The following PPARGC1A variants were observed in gnomAD, a reference collection of about 807,000 sequenced individuals.
PPARGC1A encodes PPARG coactivator 1 alpha.
In PPARGC1A, 25 loss-of-function variants were observed where a neutral mutation model predicts 88.7. The ratio of observed to expected loss-of-function variants is 0.28; its 90% confidence interval spans 0.21 to 0.39. The LOEUF (loss-of-function observed/expected upper bound fraction) is 0.39, where lower values mean the gene tolerates loss of function less well. Among genes scored for constraint, PPARGC1A ranks in the 10% least tolerant of loss-of-function variants. The pLI is 1.00. For synonymous variants in PPARGC1A, 363 were observed against 355.6 expected, an observed-to-expected ratio of 1.02 and a Z score of -0.24; for missense variants, 880 against 968.7, an observed-to-expected ratio of 0.91 and a Z score of 1.22.
chr4:24,383,235 G>A, the PPARGC1A span, among the ~76,000 whole-genome samples: 11 of 152,080 alleles, frequency 7.2e-5, no homozygotes, highest in Non-Finnish European at 1.0e-4. Flanking sequence ...CAATATCAAA[G>A]ACCAAAGGTA....
At chr4:24,154,471 G>C in the PPARGC1A span, among the ~76,000 whole-genome samples, 1 of 152,276 alleles carries the variant, frequency 6.6e-6, no homozygotes, top group Admixed American at 6.5e-5. Flanking sequence ...AGAAAACATA[G>C]GAAAAAATGC....
At chr4:23,897,744 T>G (rs1222507450) in intron 1 of PPARGC1A, among the ~76,000 whole-genome samples, 2 of 152,222 alleles carry the variant, frequency 1.3e-5, no homozygotes, top group Non-Finnish European at 2.9e-5. Flanking sequence ...AGAGAACTTG[T>G]GAAATATAAT....
chr4:23,911,600 C>T, the PPARGC1A span, among the ~76,000 whole-genome samples: 1 of 152,134 alleles, frequency 6.6e-6, no homozygotes, highest in Non-Finnish European at 1.5e-5. Flanking sequence ...AACAAGCATA[C>T]ATTTATCCAG....
chr4:23,985,788 T>A, the PPARGC1A span, among the ~76,000 whole-genome samples: 1 of 152,088 alleles, frequency 6.6e-6, no homozygotes, highest in Non-Finnish European at 1.5e-5. Flanking sequence ...TGGTTCTAAT[T>A]GGGGCTATTT....
At chr4:24,413,653 A>G in the PPARGC1A span, among the ~76,000 whole-genome samples, 117,890 of 152,182 alleles carry the variant, frequency 0.77, 45,789 homozygotes, top group East Asian at 0.8. Context: ...ATGGGAAACA[A>G]GAAGACCGTT....
chr4:24,427,935 A>T, the PPARGC1A span, among the ~76,000 whole-genome samples: 1 of 151,528 alleles, frequency 6.6e-6, no homozygotes, highest in Admixed American at 6.6e-5. Context: ...ACATAGCAAG[A>T]CCTCTTTTCT....
chr4:24,146,436 C>T, the PPARGC1A span, among the ~76,000 whole-genome samples: 4 of 152,336 alleles, frequency 2.6e-5, no homozygotes, highest in South Asian at 2.1e-4. Context: ...AACCTCAAAA[C>T]TCTGGATGAG....
At chr4:23,971,972 CA>C in the PPARGC1A span, among the ~76,000 whole-genome samples, 1 of 151,860 alleles carries the variant, frequency 6.6e-6, no homozygotes, top group Non-Finnish European at 1.5e-5. Flanking sequence ...CATTTTTAAT[CA>C]AATACATAAT....
the PPARGC1A span, among the ~76,000 whole-genome samples, chr4:24,213,715 G>A: frequency 5.9e-5 from 9 of 152,330 alleles, no homozygotes; most frequent in African/African-American, 2.2e-4. Flanking sequence ...GCATGTGTGT[G>A]TGCATGTGTT....
chr4:23,835,628 G>A (rs992118050), intron 2 of PPARGC1A, among the ~76,000 whole-genome samples: 12 of 151,966 alleles, frequency 7.9e-5, no homozygotes, highest in African/African-American at 2.9e-4. Context: ...CTCTGTATGT[G>A]GGTGACTCAC....
chr4:24,395,228 T>C, the PPARGC1A span, among the ~76,000 whole-genome samples: 1 of 152,220 alleles, frequency 6.6e-6, no homozygotes, highest in Non-Finnish European at 1.5e-5. Context: ...TTTCCCCGCC[T>C]AGATTAATCC....
chr4:24,253,452 G>C, the PPARGC1A span, among the ~76,000 whole-genome samples: 1 of 152,232 alleles, frequency 6.6e-6, no homozygotes, highest in Non-Finnish European at 1.5e-5. Context: ...ATGTGGCAAA[G>C]TATTAGCTAT....
At chr4:23,918,088 C>T in the PPARGC1A span, among the ~76,000 whole-genome samples, 1 of 152,278 alleles carries the variant, frequency 6.6e-6, no homozygotes, top group South Asian at 2.1e-4. Context: ...TTCACCTGTT[C>T]AAGGCTACAA....
chr4:24,291,672 C>T, the PPARGC1A span, among the ~76,000 whole-genome samples: 1 of 152,188 alleles, frequency 6.6e-6, no homozygotes, highest in African/African-American at 2.4e-5. Flanking sequence ...GATCCCGAAG[C>T]CCGTGCTCTT....
chr4:23,900,275 G>C (rs1719175245), upstream of PPARGC1A, among the ~76,000 whole-genome samples: 1 of 152,082 alleles, frequency 6.6e-6, no homozygotes, highest in South Asian at 2.1e-4. Flanking sequence ...TTTCTTCTTG[G>C]TTCAAAACTC....
At chr4:24,139,628 C>T in the PPARGC1A span, among the ~76,000 whole-genome samples, 34 of 152,264 alleles carry the variant, frequency 2.2e-4, no homozygotes, top group Admixed American at 3.3e-4. Context: ...TCATTATCCC[C>T]GGACTTATTT....
At chr4:23,942,542 T>C in the PPARGC1A span, among the ~76,000 whole-genome samples, 2 of 152,190 alleles carry the variant, frequency 1.3e-5, no homozygotes, top group Non-Finnish European at 2.9e-5. Flanking sequence ...TACTGTTATT[T>C]ACTTAAAATT....
chr4:23,799,785 C>A (rs1305499388), intron 12 of PPARGC1A, among the ~76,000 whole-genome samples: 1 of 152,082 alleles, frequency 6.6e-6, no homozygotes, highest in African/African-American at 2.4e-5. Context: ...TCCCTCTCTA[C>A]CAGTGATGAA....
At chr4:24,407,739 C>T in the PPARGC1A span, among the ~76,000 whole-genome samples, 2 of 152,278 alleles carry the variant, frequency 1.3e-5, no homozygotes, top group African/African-American at 4.8e-5. Flanking sequence ...CAGTCTCTTC[C>T]TCTATAAAAT....
Sources: allele counts gnomAD v4.1 joint callset (sites outside exome capture counted in the v4.1 genomes callset), GRCh38; gene constraint gnomAD v4.1.1; transcripts MANE v1.5; gene names NCBI Gene and HGNC (gene_info 2026-07-23, HGNC 2026-07-21).